Variants in SLIT3 observed in about 807,000 individuals in gnomAD.
SLIT3 encodes slit guidance ligand 3, also known as slit homolog 3 protein.
SLIT3 carries 68 observed loss-of-function variants against 184.0 expected under a neutral mutation model. The observed-to-expected ratio is 0.37, with a 90% confidence interval of 0.30 to 0.45. SLIT3 has a LOEUF of 0.45. SLIT3 is among the 20% of genes least tolerant of loss of function. The probability of loss-of-function intolerance (pLI) is 1.00; values close to 1 mark genes in which losing one functional copy is unlikely to be tolerated. For missense variants in SLIT3, 1,707 were observed against 2,026.0 expected (o/e 0.84, Z 3.02); for synonymous variants, 831 against 828.6 (o/e 1.00, Z -0.05).
At chr5:169,249,266 T>C (rs1765695908) in intron 2 of SLIT3, among the ~76,000 whole-genome samples, 1 of 152,052 alleles carries the variant, frequency 6.6e-6, no homozygotes, top group Non-Finnish European at 1.5e-5. Flanking sequence ...ATAAGGAAGA[T>C]AATGAAACAG....
intron 4 of SLIT3, among the ~76,000 whole-genome samples, chr5:168,966,962 G>T (rs1008786055): frequency 2.0e-5 from 3 of 152,062 alleles, no homozygotes; most frequent in African/African-American, 4.8e-5. Flanking sequence ...TTACTCCTAA[G>T]GAAATAATAT....
chr5:169,097,016 T>C (rs1437684682), intron 4 of SLIT3, among the ~76,000 whole-genome samples: 1 of 152,240 alleles, frequency 6.6e-6, no homozygotes, highest in East Asian at 1.9e-4. Flanking sequence ...CAATGGTTTT[T>C]AGATGGTTCT....
intron 4 of SLIT3, among the ~76,000 whole-genome samples, chr5:169,189,569 T>TATAA (rs1763478118): frequency 8.4e-6 from 1 of 119,138 alleles, no homozygotes; most frequent in African/African-American, 3.0e-5. Context: ...TATATATATA[T>TATAA]ATATATATAT....
intron 4 of SLIT3, among the ~76,000 whole-genome samples, chr5:169,140,035 T>C (rs1018659647): frequency 1.3e-5 from 2 of 152,112 alleles, no homozygotes; most frequent in Non-Finnish European, 2.9e-5. Context: ...TGGGTCCTTC[T>C]TCCTGGTGGA....
At chr5:168,846,082 C>T (rs1405694134) in intron 5 of SLIT3, among the ~76,000 whole-genome samples, 1 of 152,170 alleles carries the variant, frequency 6.6e-6, no homozygotes, top group Non-Finnish European at 1.5e-5. Context: ...GATAAGTATC[C>T]AGATGTAGAA....
chr5:169,222,334 T>A (rs77392982), intron 3 of SLIT3, among the ~76,000 whole-genome samples: 4,999 of 152,252 alleles, frequency 0.033, 98 homozygotes, highest in Non-Finnish European at 0.047. Context: ...ATGAAAATAC[T>A]ATGCTGGCTA....
At chr5:168,801,861 T>G (rs1397043631) in intron 9 of SLIT3, among the ~76,000 whole-genome samples, 1 of 152,138 alleles carries the variant, frequency 6.6e-6, no homozygotes, top group East Asian at 1.9e-4. Context: ...GCTCTGGTAT[T>G]CGGGGACACC....
At chr5:169,072,306 T>C (rs1758581301) in intron 4 of SLIT3, among the ~76,000 whole-genome samples, 1 of 152,338 alleles carries the variant, frequency 6.6e-6, no homozygotes, top group South Asian at 2.1e-4. Flanking sequence ...TTCAATGTAC[T>C]ACTTTGTGAC....
intron 4 of SLIT3, among the ~76,000 whole-genome samples, chr5:169,166,012 A>G (rs1762626660): frequency 6.6e-6 from 1 of 152,234 alleles, no homozygotes; most frequent in African/African-American, 2.4e-5. Context: ...CATCATGCCT[A>G]TCTTACACAT....
At chr5:169,146,661 C>T (rs755883180) in intron 4 of SLIT3, among the ~76,000 whole-genome samples, 14 of 152,190 alleles carry the variant, frequency 9.2e-5, no homozygotes, top group Non-Finnish European at 1.9e-4. Context: ...CTAAGCTCTT[C>T]CAAACCCAAG....
chr5:168,834,646 C>T (rs1757983619), intron 6 of SLIT3, among the ~76,000 whole-genome samples: 1 of 128,096 alleles, frequency 7.8e-6, no homozygotes, highest in African/African-American at 3.1e-5. Flanking sequence ...GAGATCATGC[C>T]ACTGCACTCC....
Position 169,140,513 on chromosome 5 carries a change from G to T in SLIT3, c.413+52966C>A, listed in dbSNP as rs572141979. 8.0e-5 allele frequency among the ~76,000 whole-genome samples: 11 copies of T among 137,782 alleles called. No individual in the cohort carries two copies. In the South Asian group the frequency reaches 1.5e-3, roughly 19 times the overall value. The allele number at this position is 137,782 out of a possible 152,430, so 90.4% of individuals were successfully genotyped here. A position where few individuals can be genotyped will look rare whatever the true frequency, so the allele number is the denominator to read the frequency against. ...AAAAAAAAAAAAAAAAAAAAAAGAC[G>T]CAGGCGGTCAGGCACGGTGGCTCAC... On this transcript the variant is annotated intron_variant, in intron 4 of 35. Transcript: ENST00000519560.
At chr5:168,900,044 TA>T (rs1364413157) in intron 4 of SLIT3, among the ~76,000 whole-genome samples, 2 of 152,240 alleles carry the variant, frequency 1.3e-5, no homozygotes, top group Non-Finnish European at 2.9e-5. Context: ...AATATATACC[TA>T]AAAACTGCTC....
At chr5:168,839,926 A>C (rs1758185200) in intron 6 of SLIT3, among the ~76,000 whole-genome samples, 1 of 152,224 alleles carries the variant, frequency 6.6e-6, no homozygotes, top group African/African-American at 2.4e-5. Context: ...GGCCAGGCCT[A>C]GGGTGAACCA....
At chr5:169,113,045 T>C (rs1760468294) in intron 4 of SLIT3, among the ~76,000 whole-genome samples, 1 of 152,176 alleles carries the variant, frequency 6.6e-6, no homozygotes, top group African/African-American at 2.4e-5. Flanking sequence ...AAAATTATTT[T>C]TCATTGTGGT....
intron 1 of SLIT3, among the ~76,000 whole-genome samples, chr5:169,264,935 G>A (rs1766339800): frequency 6.6e-6 from 1 of 152,164 alleles, no homozygotes; most frequent in African/African-American, 2.4e-5. Context: ...CAACACTCTC[G>A]CATATATAAT....
chr5:168,849,635 G>T (rs2938762), intron 5 of SLIT3, among the ~76,000 whole-genome samples: 1 of 151,966 alleles, frequency 6.6e-6, no homozygotes, highest in Admixed American at 6.6e-5. Context: ...TATAAGACAC[G>T]CTTTGAAAAT....
chr5:169,196,122 G>T (rs922970889), intron 3 of SLIT3, among the ~76,000 whole-genome samples: 6 of 151,422 alleles, frequency 4.0e-5, no homozygotes, highest in African/African-American at 1.5e-4. Context: ...TTTGACCACT[G>T]CCAGTATCTG....
At chr5:168,861,213 C>T (rs552575324) in intron 5 of SLIT3, among the ~76,000 whole-genome samples, 18 of 152,262 alleles carry the variant, frequency 1.2e-4, no homozygotes, top group African/African-American at 3.9e-4. Context: ...CCCATTAACT[C>T]GTCATTTACA....
Sources: gnomAD v4.1 joint callset for allele counts (sites outside exome capture counted in the v4.1 genomes callset) on GRCh38, gnomAD v4.1.1 for gene constraint, MANE v1.5 for transcripts, NCBI Gene and HGNC (gene_info 2026-07-23, HGNC 2026-07-21) for gene names.